Variants in FAM222A observed in about 807,000 individuals in gnomAD.
FAM222A encodes protein FAM222A.
Under a neutral mutation model 25.8 loss-of-function variants are expected in FAM222A, and 7 were observed. The observed-to-expected ratio is 0.27, with a 90% confidence interval of 0.15 to 0.51. The LOEUF (loss-of-function observed/expected upper bound fraction) is 0.51, where lower values mean the gene tolerates loss of function less well. Ranked by LOEUF, FAM222A falls within the 20% of genes least tolerant of loss-of-function variation. FAM222A has a pLI of 0.97. For synonymous variants in FAM222A, 294 were observed against 298.8 expected (o/e 0.98, Z 0.17); for missense variants, 573 against 640.5 (o/e 0.89, Z 1.14).
rs1271954024 is a variant in FAM222A, at chr12:109,768,368, C to T, written c.439C>T (p.Pro147Ser). The change falls in exon 3 of 3, where the codon CCC becomes TCC. Residue 147 changes from proline to serine, a missense_variant. Coordinates refer to ENST00000538780, the MANE Select transcript of FAM222A (RefSeq NM_032829.3). ...SPAAVQVGIAPYPVPSTLGPL... is the reference protein window; with the variant it reads ...SPAAVQVGIASYPVPSTLGPL... ...GGCCGCCGTGCAGGTGGGCATTGCGCCCTACCCAGTGCCCAGCACTCTGGG... is the reference window on the plus strand; with the variant it reads ...GGCCGCCGTGCAGGTGGGCATTGCGTCCTACCCAGTGCCCAGCACTCTGGG... 58 of 1,597,284 alleles carry T rather than the reference C, an allele frequency of 3.6e-5. No individual in the cohort carries two copies. The highest frequency in any genetic ancestry group is 4.8e-5 in the Non-Finnish European group (57 of 1,176,442).
intron 2 of FAM222A, among the ~76,000 whole-genome samples, chr12:109,748,242 A>G (rs1888458227): frequency 6.6e-6 from 1 of 152,036 alleles, no homozygotes; most frequent in Non-Finnish European, 1.5e-5. Flanking sequence ...TGGTCATGGT[A>G]AATATTTCTT....
At chr12:109,754,326 G>A (rs1476342059) in intron 2 of FAM222A, among the ~76,000 whole-genome samples, 2 of 152,054 alleles carry the variant, frequency 1.3e-5, no homozygotes, top group African/African-American at 4.8e-5. Flanking sequence ...CTCAGGAGGA[G>A]TCCAAGAGAT....
At chr12:109,743,298 A>C (rs1370263100) in intron 1 of FAM222A, among the ~76,000 whole-genome samples, 1 of 152,186 alleles carries the variant, frequency 6.6e-6, no homozygotes, top group African/African-American at 2.4e-5. Flanking sequence ...CGTTCTCTGC[A>C]GGAGAGTGGG....
intron 1 of FAM222A, among the ~76,000 whole-genome samples, chr12:109,727,101 C>T (rs1010691797): frequency 7.9e-5 from 12 of 152,090 alleles, no homozygotes; most frequent in East Asian, 3.9e-4. Flanking sequence ...AGAGACTGGA[C>T]GCGGCCCTGC....
chr12:109,743,391 C>T (rs1293963334), intron 1 of FAM222A, among the ~76,000 whole-genome samples: 1 of 152,228 alleles, frequency 6.6e-6, no homozygotes, highest in Non-Finnish European at 1.5e-5. Flanking sequence ...TGTGTGCAGC[C>T]ACATCTGAGC....
chr12:109,730,309 T>TC (rs1190580218), intron 1 of FAM222A, among the ~76,000 whole-genome samples: 6 of 147,366 alleles, frequency 4.1e-5, no homozygotes, highest in East Asian at 4.0e-4. Flanking sequence ...TGCCTCAGTT[T>TC]CCCCCCCTGC....
intron 1 of FAM222A, among the ~76,000 whole-genome samples, chr12:109,737,561 C>T (rs890394900): frequency 6.8e-6 from 1 of 148,004 alleles, no homozygotes; most frequent in African/African-American, 2.5e-5. Flanking sequence ...TTCAAGGGGA[C>T]AGTACCTCCC....
intron 2 of FAM222A, among the ~76,000 whole-genome samples, chr12:109,750,541 G>A (rs143872487): frequency 2.0e-5 from 3 of 151,994 alleles, no homozygotes; most frequent in East Asian, 3.9e-4. Flanking sequence ...TGTTATTAGC[G>A]ATGCTATTAG....
chr12:109,748,334 C>CTTTTTTTTTTTTTTTT (rs61492433), intron 2 of FAM222A, among the ~76,000 whole-genome samples: 2 of 81,630 alleles, frequency 2.5e-5, no homozygotes, highest in Non-Finnish European at 5.9e-5. Flanking sequence ...GGTTTTCTTT[C>CTTTTTTTTTTTTTTTT]TTTTTTTTTT....
chr12:109,741,283 T>A (rs1888235013), intron 1 of FAM222A, among the ~76,000 whole-genome samples: 2 of 152,096 alleles, frequency 1.3e-5, no homozygotes, highest in Admixed American at 6.5e-5. Context: ...AAGTCCCTCC[T>A]CTTTAAGTGA....
In FAM222A at chr12:109,769,079, C is replaced by T; in HGVS notation, c.1150C>T (p.Pro384Ser). The T allele has an allele frequency of 6.2e-7, 1 of 1,603,528 alleles. No homozygotes were observed. The highest frequency in any genetic ancestry group is 8.5e-7 in the Non-Finnish European group (1 of 1,175,872). ...GGCAGCCCGGGAGCTGGCTGGGCCC[C>T]CTGCAGATGCCCTCTCGGGCCTGCC... ...PGAARELAGP[P>S]ADALSGLPSK... Residue 384 changes from proline to serine, a missense_variant, in exon 3 of 3, where the codon CCT becomes TCT. Around this residue, in one of 3 missense-constraint regions of FAM222A, gnomAD observed 412 missense variants for 407.0 expected, o/e 1.01. Transcript: ENST00000538780.
intron 1 of FAM222A, chr12:109,735,873 C>T (rs1888070800): frequency 6.6e-6 from 1 of 152,230 alleles, no homozygotes. Flanking sequence ...ATTAAAGAGC[C>T]GAGGCTGGAA....
intron 1 of FAM222A, among the ~76,000 whole-genome samples, chr12:109,729,650 G>T (rs567537423): frequency 9.9e-5 from 15 of 152,238 alleles, no homozygotes; most frequent in Non-Finnish European, 2.1e-4. Context: ...ACGCGCGCAC[G>T]CATGCACATG....
Position 109,768,722 on chromosome 12 carries a change from C to A in FAM222A, c.793C>A (p.Gln265Lys), listed in dbSNP as rs768717068. 2.5e-6 allele frequency: 4 copies of A among 1,578,274 alleles called. No homozygotes were observed. The highest frequency in any genetic ancestry group is 2.3e-5 in the East Asian group (1 of 43,672). ...CACTGAGCTGGGCCAGGGAGCCACCCAAGCCTTGACGTTGGCTGGGGCCGC... is the reference window on the plus strand; with the variant it reads ...CACTGAGCTGGGCCAGGGAGCCACCAAAGCCTTGACGTTGGCTGGGGCCGC... ...KGTELGQGAT[Q>K]ALTLAGAAKP... Residue 265 changes from glutamine (Q) to lysine (K), a missense_variant, in exon 3 of 3, where the codon CAA becomes AAA. This residue lies in a region of FAM222A where 412 missense variants were observed against 407.0 expected (regional missense o/e 1.01). Transcript: ENST00000538780.
At chr12:109,741,764 G>A (rs1239139498) in intron 1 of FAM222A, among the ~76,000 whole-genome samples, 1 of 152,230 alleles carries the variant, frequency 6.6e-6, no homozygotes, top group East Asian at 1.9e-4. Flanking sequence ...AACCCAGCCG[G>A]GGTCACACAG....
chr12:109,767,062 C>CTTTTTTTTTTTTT (rs757766627), intron 2 of FAM222A, among the ~76,000 whole-genome samples: 3 of 93,066 alleles, frequency 3.2e-5, no homozygotes, highest in Admixed American at 1.3e-4. Context: ...TGCTTGGCTT[C>CTTTTTTTTTTTTT]TTTTTTTTTT....
At chr12:109,730,203 G>T (rs912978156) in intron 1 of FAM222A, among the ~76,000 whole-genome samples, 2 of 152,184 alleles carry the variant, frequency 1.3e-5, no homozygotes, top group African/African-American at 4.8e-5. Context: ...GGCTGTTGGT[G>T]TGATGATTAT....
chr12:109,748,552 C>T (rs1888472146), intron 2 of FAM222A, among the ~76,000 whole-genome samples: 1 of 152,004 alleles, frequency 6.6e-6, no homozygotes, highest in Non-Finnish European at 1.5e-5. Context: ...GCTATTTCTT[C>T]TCTAATAATT....
At chr12:109,724,832 A>T (rs1160414657) in intron 1 of FAM222A, among the ~76,000 whole-genome samples, 1 of 152,170 alleles carries the variant, frequency 6.6e-6, no homozygotes. Flanking sequence ...CCAATGTTGA[A>T]TGAATGAATG....
Sources: allele counts gnomAD v4.1 joint callset (sites outside exome capture counted in the v4.1 genomes callset), GRCh38; gene constraint gnomAD v4.1.1; regional missense constraint gnomAD v4.1.1; transcripts MANE v1.5; gene names NCBI Gene and HGNC (gene_info 2026-07-23, HGNC 2026-07-21).